Variants in NTRK2 observed in about 807,000 individuals in gnomAD.
The protein encoded by NTRK2 is neurotrophic receptor tyrosine kinase 2.
In NTRK2, 13 loss-of-function variants were observed where a neutral mutation model predicts 94.5. The ratio of observed to expected loss-of-function variants is 0.14; its 90% CI spans 0.09 to 0.22. The LOEUF (loss-of-function observed/expected upper bound fraction) is 0.22. Among genes scored for constraint, NTRK2 ranks in the 10% least tolerant of loss-of-function variants. NTRK2 has a pLI of 1.00. For synonymous variants in NTRK2, 372 were observed against 407.4 expected (o/e 0.91, Z 1.05); for missense variants, 639 against 1,071.2 (o/e 0.60, Z 5.63).
chr9:85,017,506 T>C (rs187056733), intron 17 of NTRK2, among the ~76,000 whole-genome samples: 9 of 152,308 alleles, frequency 5.9e-5, no homozygotes, highest in African/African-American at 2.2e-4. Context: ...TCAAAGTGTA[T>C]TTTTAGCTGT....
chr9:85,023,115 A>T lies in NTRK2; in HGVS notation c.*1678A>T, dbSNP rs1832864015. ...GACCAAGCACTGGAAGTGTGCTTCT[A>T]GGCATAGTCATTGGTTTTGCAAAAA... is the stretch of plus-strand genomic sequence containing the variant. On this transcript the variant is annotated 3_prime_UTR_variant, in exon 19 of 19. Transcript: ENST00000277120. The T allele has an allele frequency of 4.3e-6, 1 of 232,954 alleles. No individual in the cohort carries two copies. Among genetic ancestry groups the T allele is most frequent in the South Asian group, 1.8e-4 (1 of 5,536 alleles). 14.4% of individuals were successfully genotyped at this position (232,954 alleles called of 1,614,324 possible).
chr9:84,757,857 C>T (rs996512580), intron 12 of NTRK2, among the ~76,000 whole-genome samples: 1 of 152,018 alleles, frequency 6.6e-6, no homozygotes, highest in Non-Finnish European at 1.5e-5. Flanking sequence ...AAGATAGATA[C>T]TTGGAAATGT....
upstream of NTRK2, chr9:84,669,187 C>T (rs2058545522): frequency 6.6e-6 from 1 of 152,382 alleles, no homozygotes; most frequent in South Asian, 2.1e-4. This position sits in a 1 kb window ranked among gnomAD's most constrained non-coding sequence, Gnocchi z 4.1. Flanking sequence ...GTGTTTACAA[C>T]ATTTATTTAT....
chr9:84,729,107 C>G (rs4877287), intron 9 of NTRK2, among the ~76,000 whole-genome samples: 3,929 of 152,124 alleles, frequency 0.026, 73 homozygotes, highest in Admixed American at 0.046. Flanking sequence ...GCTCCCAGGG[C>G]CCCCCCACCA....
chr9:84,901,276 G>T (rs1269878676), intron 14 of NTRK2, among the ~76,000 whole-genome samples: 1 of 148,618 alleles, frequency 6.7e-6, no homozygotes, highest in Non-Finnish European at 1.5e-5. Flanking sequence ...AGACTGAAGT[G>T]CAGTGGTGTG....
Position 85,004,039 on chromosome 9 carries a change from A to AAGAAAAGAAAGAG in NTRK2, c.2173-16162_2173-16161insAGAAAGAGAGAAA, listed in dbSNP as rs1554785026. 5.1e-4 allele frequency among the ~76,000 whole-genome samples: 21 copies of AAGAAAAGAAAGAG among 40,974 alleles called. 2 individuals are homozygous for AAGAAAAGAAAGAG. Among genetic ancestry groups the AAGAAAAGAAAGAG allele is most frequent in the African/African-American group, 1.4e-3 (11 of 7,764 alleles). 26.9% of individuals were successfully genotyped at this position (40,974 alleles called of 152,430 possible). ...AAAGAGAGAAAGAAAGAAAGAGAGA[A>AAGAAAAGAAAGAG]AGAAAGGGAGAAAGAGAAAGAAAGG... On this transcript the variant is annotated intron_variant, in intron 17 of 18. Coordinates refer to ENST00000277120, the MANE Select transcript of NTRK2 (RefSeq NM_006180.6).
chr9:84,753,527 A>G lies in NTRK2; in HGVS notation c.1396+1442A>G, dbSNP rs771216754. ...GGAATCACTGTTCTCTACAATAAAC[A>G]TGGGCTGCCAGGCCCCCTTCAGAAT... is the stretch of plus-strand genomic sequence containing the variant. On this transcript the variant is annotated intron_variant, in intron 12 of 18. Coordinates refer to ENST00000277120, the MANE Select transcript of NTRK2 (RefSeq NM_006180.6). Among the ~76,000 whole-genome samples, 37 of 152,176 alleles carry G rather than the reference A, an allele frequency of 2.4e-4. 1 individual carries two copies. Among genetic ancestry groups the G allele is most frequent in the Non-Finnish European group, 3.5e-4 (24 of 68,016 alleles).
At chr9:84,882,719 T>TGTGTGTGTGTGC (rs761042296) in intron 14 of NTRK2, among the ~76,000 whole-genome samples, 1 of 145,742 alleles carries the variant, frequency 6.9e-6, no homozygotes, top group African/African-American at 2.6e-5. Context: ...TGTGTGTGTG[T>TGTGTGTGTGTGC]GCGCGCGCGC....
chr9:84,799,744 G>A (rs1465070638), intron 12 of NTRK2, among the ~76,000 whole-genome samples: 4 of 152,070 alleles, frequency 2.6e-5, no homozygotes, highest in Admixed American at 2.6e-4. Flanking sequence ...CCATTCTACT[G>A]AATATAAACA....
At chr9:84,823,143 T>A (rs1388400399) in intron 12 of NTRK2, among the ~76,000 whole-genome samples, 1 of 152,210 alleles carries the variant, frequency 6.6e-6, no homozygotes, top group Non-Finnish European at 1.5e-5. Flanking sequence ...TTGAAATGTT[T>A]AAAAAATGTA....
intron 14 of NTRK2, among the ~76,000 whole-genome samples, chr9:84,898,078 G>A (rs11790287): frequency 0.13 from 19,535 of 147,200 alleles, 2,108 homozygotes; most frequent in African/African-American, 0.29. Flanking sequence ...TTTTTTCTAT[G>A]ATATCTGTAG....
intron 16 of NTRK2, among the ~76,000 whole-genome samples, chr9:84,950,681 G>T (rs1018387020): frequency 7.2e-5 from 11 of 152,130 alleles, no homozygotes; most frequent in Non-Finnish European, 1.6e-4. Context: ...TAATAGGAAA[G>T]TTGTTAAAGG....
At chr9:84,870,917 C>T (rs753709848) in intron 14 of NTRK2, among the ~76,000 whole-genome samples, 4 of 152,084 alleles carry the variant, frequency 2.6e-5, no homozygotes, top group Non-Finnish European at 5.9e-5. Flanking sequence ...TTACGAAGAT[C>T]GCTGAATTGT....
intron 12 of NTRK2, among the ~76,000 whole-genome samples, chr9:84,784,110 T>C (rs540478986): frequency 3.9e-5 from 6 of 152,284 alleles, no homozygotes; most frequent in Non-Finnish European, 2.9e-5. Flanking sequence ...CTGTATGGCC[T>C]GAGGGAAAGG....
chr9:84,768,714 C>A (rs879471606), intron 12 of NTRK2, among the ~76,000 whole-genome samples: 10 of 151,978 alleles, frequency 6.6e-5, no homozygotes, highest in Admixed American at 6.6e-4. Context: ...AGGACTATTG[C>A]AATATGGAAA....
rs2132056408 is a variant in NTRK2, at chr9:84,867,247, A to G, written c.1449A>G (p.Pro483=). The G allele has an allele frequency of 6.2e-7, 1 of 1,614,026 alleles. No individual in the cohort carries two copies. The highest frequency in any genetic ancestry group is 8.5e-7 in the Non-Finnish European group (1 of 1,179,910). ...GKVKSRQGVG[P]ASVISNDDDS... is the part of the protein sequence containing the mutation. ...TATATATTTTTCCATCTCCAGGCCC[A>G]GCCTCCGTTATCAGCAATGATGATG... The change falls in exon 14 of 19, where the codon CCA becomes CCG. Residue 483 remains proline (P), a synonymous_variant. Transcript: ENST00000277120.
chr9:84,930,900 G>A (rs2078001336), intron 14 of NTRK2, among the ~76,000 whole-genome samples: 1 of 152,188 alleles, frequency 6.6e-6, no homozygotes, highest in Non-Finnish European at 1.5e-5. Context: ...TGCCATCCCA[G>A]AGAATAGAGC....
chr9:84,968,540 C>T (rs1305932857), intron 17 of NTRK2, among the ~76,000 whole-genome samples: 2 of 152,192 alleles, frequency 1.3e-5, no homozygotes, highest in Non-Finnish European at 2.9e-5. Context: ...GTCCAGCCTA[C>T]CAGCTCTCCA....
chr9:84,951,481 A>G (rs570012875), intron 16 of NTRK2, among the ~76,000 whole-genome samples: 1 of 152,276 alleles, frequency 6.6e-6, no homozygotes, highest in African/African-American at 2.4e-5. Flanking sequence ...AAGAAATACA[A>G]ATGTGCTCAC....
Sources: allele counts gnomAD v4.1 joint callset (sites outside exome capture counted in the v4.1 genomes callset), GRCh38; gene constraint gnomAD v4.1.1; non-coding constraint Gnocchi (gnomAD v3.1); transcripts MANE v1.5; gene names NCBI Gene and HGNC (gene_info 2026-07-23, HGNC 2026-07-21).